Variants in MACROD2 observed in about 807,000 individuals in gnomAD.
MACROD2 encodes the protein ADP-ribose glycohydrolase MACROD2.
In MACROD2, 36 loss-of-function variants were observed where a neutral mutation model predicts 70.4. The observed-to-expected ratio is 0.51, with a 90% CI of 0.39 to 0.68. MACROD2 has a LOEUF of 0.68. Ranked by LOEUF, MACROD2 falls within the 30% of genes least tolerant of loss-of-function variation. The pLI is 0.00. For synonymous variants in MACROD2, 172 were observed against 178.8 expected (o/e 0.96, Z 0.30); for missense variants, 496 against 538.4 (o/e 0.92, Z 0.78).
chr20:14,633,661 A>C (rs1984633727), intron 4 of MACROD2, among the ~76,000 whole-genome samples: 1 of 152,142 alleles, frequency 6.6e-6, no homozygotes, highest in African/African-American at 2.4e-5. Flanking sequence ...CATCCCAGTT[A>C]TCGAGGCTTC....
At chr20:15,411,149 TACACACACACAC>T (rs55750139) in intron 6 of MACROD2, among the ~76,000 whole-genome samples, 1 of 144,184 alleles carries the variant, frequency 6.9e-6, no homozygotes, top group African/African-American at 2.6e-5. Flanking sequence ...GATATGTATT[TACACACACACAC>T]ACACACACAC....
rs202047208 is a variant in MACROD2, at chr20:14,233,717, AAG to A, written c.271+147991_271+147992del. Among the ~76,000 whole-genome samples the A allele has an allele frequency of 1.2e-3, 179 of 148,118 alleles. 31 individuals carry two copies. The highest frequency in any genetic ancestry group is 2.4e-3 in the Admixed American group (36 of 14,896). ...GTCTCACAAAAAAAAAAAAAAAGAA[AAG>A]AAAAGAAAAGAAATGAACTAACAAG... On this transcript the variant is annotated intron_variant, in intron 3 of 17. Coordinates refer to ENST00000684519, the MANE Select transcript of MACROD2 (RefSeq NM_001351661.2).
At chr20:14,999,958 CA>C (rs1334614227) in intron 5 of MACROD2, among the ~76,000 whole-genome samples, 7 of 152,180 alleles carry the variant, frequency 4.6e-5, no homozygotes, top group African/African-American at 1.7e-4. Flanking sequence ...GATATAAAAG[CA>C]ATACTGTATA....
At chr20:15,785,505 G>T (rs540089997) in intron 8 of MACROD2, among the ~76,000 whole-genome samples, 56 of 152,298 alleles carry the variant, frequency 3.7e-4, no homozygotes, top group African/African-American at 1.3e-3. Context: ...CTCAGTAGGG[G>T]AGAAAAAACA....
At chr20:14,931,770 GGAA>G (rs1010666680) in intron 5 of MACROD2, among the ~76,000 whole-genome samples, 34 of 151,880 alleles carry the variant, frequency 2.2e-4, no homozygotes, top group African/African-American at 8.0e-4. Context: ...GGATGAGGTG[GGAA>G]GATCGCTTGA....
chr20:14,512,346 G>A (rs1439173044), intron 4 of MACROD2, among the ~76,000 whole-genome samples: 9 of 5,802 alleles, frequency 1.6e-3, no homozygotes, highest in African/African-American at 5.4e-3. Flanking sequence ...AGTTTCCCCT[G>A]TGGAGGAATG....
chr20:15,879,372 TGCTA>T (rs138069947), intron 9 of MACROD2, among the ~76,000 whole-genome samples: 2,210 of 152,202 alleles, frequency 0.015, 43 homozygotes, highest in African/African-American at 0.045. Flanking sequence ...GAAAAATTCT[TGCTA>T]GCAATTTGTT....
chr20:14,192,439 A>C (rs2081396433), intron 3 of MACROD2, among the ~76,000 whole-genome samples: 1 of 152,190 alleles, frequency 6.6e-6, no homozygotes, highest in South Asian at 2.1e-4. Context: ...TTCAGGAGAC[A>C]CACGGGAGGT....
At chr20:15,304,497 C>A (rs1358112480) in intron 6 of MACROD2, among the ~76,000 whole-genome samples, 1 of 152,194 alleles carries the variant, frequency 6.6e-6, no homozygotes, top group Non-Finnish European at 1.5e-5. Flanking sequence ...GACAAGGTTT[C>A]TCTTCAAACA....
intron 5 of MACROD2, among the ~76,000 whole-genome samples, chr20:14,940,148 CA>C (rs57697517): frequency 0.036 from 1,950 of 54,908 alleles, 6 homozygotes; most frequent in African/African-American, 0.08. Context: ...CTCATCTCTG[CA>C]AAAAAAAAAA....
intron 5 of MACROD2, among the ~76,000 whole-genome samples, chr20:14,721,254 CAA>C (rs200181158): frequency 1.8e-4 from 16 of 90,236 alleles, no homozygotes; most frequent in Admixed American, 3.8e-4. Context: ...GACCCCATCT[CAA>C]AAAAAAAAAA....
intron 3 of MACROD2, among the ~76,000 whole-genome samples, chr20:14,114,404 A>G (rs999875512): frequency 3.3e-5 from 5 of 152,158 alleles, no homozygotes; most frequent in Non-Finnish European, 7.4e-5. Context: ...TGAAAAGCAA[A>G]TGTGTCCTGT....
intron 2 of MACROD2, among the ~76,000 whole-genome samples, chr20:14,009,732 A>G (rs772002020): frequency 5.3e-5 from 8 of 152,364 alleles, no homozygotes; most frequent in African/African-American, 7.2e-5. Flanking sequence ...ATGCCCACCA[A>G]TGATAGACTG....
At chr20:15,558,907 A>G (rs2048203811) in intron 8 of MACROD2, among the ~76,000 whole-genome samples, 1 of 152,248 alleles carries the variant, frequency 6.6e-6, no homozygotes, top group African/African-American at 2.4e-5. Flanking sequence ...GAATTATTGC[A>G]AAACTCTGAC....
intron 5 of MACROD2, among the ~76,000 whole-genome samples, chr20:14,800,879 C>T (rs1327491061): frequency 1.3e-5 from 2 of 150,932 alleles, no homozygotes; most frequent in African/African-American, 4.8e-5. Flanking sequence ...TTTGACACAG[C>T]TTGGATGGTG....
intron 3 of MACROD2, among the ~76,000 whole-genome samples, chr20:14,164,484 C>T (rs1013991879): frequency 2.6e-5 from 4 of 152,150 alleles, no homozygotes; most frequent in African/African-American, 9.7e-5. Flanking sequence ...TAGGCAGGTT[C>T]TCGGTCCCCT....
chr20:14,533,766 T>C (rs2085333449), intron 4 of MACROD2, among the ~76,000 whole-genome samples: 1 of 152,238 alleles, frequency 6.6e-6, no homozygotes, highest in African/African-American at 2.4e-5. Context: ...AATATTTTCA[T>C]TGGAATCACT....
chr20:14,399,862 C>T (rs2083619308), intron 3 of MACROD2, among the ~76,000 whole-genome samples: 1 of 151,920 alleles, frequency 6.6e-6, no homozygotes, highest in African/African-American at 2.4e-5. Context: ...TTTTTAGTTC[C>T]ACCTACTGTA....
intron 8 of MACROD2, among the ~76,000 whole-genome samples, chr20:15,656,139 T>C (rs1330839266): frequency 6.6e-6 from 1 of 152,172 alleles, no homozygotes; most frequent in African/African-American, 2.4e-5. Context: ...GAATAAAAAG[T>C]CTTCATGAGT....
Sources: gnomAD v4.1 joint callset for allele counts (sites outside exome capture counted in the v4.1 genomes callset) on GRCh38, gnomAD v4.1.1 for gene constraint, MANE v1.5 for transcripts, NCBI Gene and HGNC (gene_info 2026-07-23, HGNC 2026-07-21) for gene names.